Variants in CSPP1 observed in about 807,000 individuals in gnomAD.
CSPP1 encodes centrosome and spindle pole associated protein 1, also known as centrosome and spindle pole-associated protein 1.
Under a neutral mutation model 164.4 loss-of-function variants are expected in CSPP1, and 126 were observed. The observed-to-expected ratio is 0.77, with a 90% CI of 0.66 to 0.89. The LOEUF (loss-of-function observed/expected upper bound fraction) is 0.89. Ranked by LOEUF, CSPP1 falls within the 40% of genes least tolerant of loss-of-function variation. The pLI is 0.00. For synonymous variants in CSPP1, 472 were observed against 476.7 expected (o/e 0.99, Z 0.13); for missense variants, 1,395 against 1,449.8 (o/e 0.96, Z 0.61).
chr8:67,070,184 T>A (rs1030534891), intron 1 of CSPP1, among the ~76,000 whole-genome samples: 1 of 151,324 alleles, frequency 6.6e-6, no homozygotes, highest in Non-Finnish European at 1.5e-5. Context: ...CTGAAATAAG[T>A]CGGGACGGTG....
chr8:67,101,387 G>A (rs1160290501), intron 7 of CSPP1, among the ~76,000 whole-genome samples: 4 of 152,164 alleles, frequency 2.6e-5, no homozygotes, highest in African/African-American at 9.7e-5. Context: ...TGTACAGTCA[G>A]GATTTTCTGA....
At chr8:67,105,874 T>G in intron 8 of CSPP1, 31 bp from the exon 9 acceptor site, 2 of 1,261,360 alleles carry the variant, frequency 1.6e-6, no homozygotes, top group Non-Finnish European at 2.3e-6. Flanking sequence ...GGATTTTAAT[T>G]TACTCTTTTT....
At chr8:67,085,483 T>C (rs1810200110) in intron 3 of CSPP1, among the ~76,000 whole-genome samples, 1 of 152,088 alleles carries the variant, frequency 6.6e-6, no homozygotes, top group Admixed American at 6.5e-5. Context: ...AATCATGTTA[T>C]TAGTTTTCCT....
At position 67,172,535 on chromosome 8, in the gene CSPP1, T is replaced by G; in HGVS notation, c.2948T>G (p.Phe983Cys). 6.2e-7 allele frequency: 1 copy of G among 1,613,570 alleles called. No homozygotes were observed. The change falls in exon 25 of 31, where the codon TTT becomes TGT. Residue 983 changes from phenylalanine to cysteine, a missense_variant. Physicochemically the swap from Phe to Cys is radical, Grantham distance 205. Transcript: ENST00000678616. ...DAATFQNVHD[F>C]NELKDRDSET... ...GCCACTTTTCAGAATGTTCATGATT[T>G]TAATGAGCTGAAAGATAGAGGTGAG...
At chr8:67,119,261 C>T (rs1818528289) in intron 15 of CSPP1, among the ~76,000 whole-genome samples, 1 of 152,130 alleles carries the variant, frequency 6.6e-6, no homozygotes, top group African/African-American at 2.4e-5. Context: ...CAACATTTTA[C>T]TTATCTAAAA....
At chr8:67,081,698 G>A (rs11989855) in intron 3 of CSPP1, among the ~76,000 whole-genome samples, 12,596 of 152,180 alleles carry the variant, frequency 0.083, 1,060 homozygotes, top group African/African-American at 0.22. Flanking sequence ...TTTTAAAAAT[G>A]TTTTGATACA....
chr8:67,108,002 G>A (rs200329201), intron 9 of CSPP1, among the ~76,000 whole-genome samples: 1 of 71,620 alleles, frequency 1.4e-5, no homozygotes, highest in South Asian at 4.3e-4. Context: ...TTTTTTTTTT[G>A]TTTGGGTGGC....
rs1825352510 is a variant in CSPP1 at position 67,149,880 on chromosome 8, A to G, written c.2073A>G (p.Pro691=). 1 of 1,605,684 alleles carries G rather than the reference A, an allele frequency of 6.2e-7. No homozygotes were observed. The highest frequency in any genetic ancestry group is 8.5e-7 in the Non-Finnish European group (1 of 1,176,798). Residue 691 remains proline (P), a synonymous_variant, in exon 18 of 31, where the codon CCA becomes CCG. Coordinates refer to ENST00000678616, the MANE Select transcript of CSPP1 (RefSeq NM_001382391.1). ...AAAGGGCTGTTGTATCTCTAGACCC[A>G]AATTTAGCCACTTCAAATGCTGAGA... ...EDKRAVVSLD[P]NLATSNAENL... is the part of the protein sequence containing the mutation.
intron 4 of CSPP1, among the ~76,000 whole-genome samples, chr8:67,090,592 T>C (rs139944808): frequency 3.1e-4 from 47 of 152,334 alleles, no homozygotes; most frequent in African/African-American, 1.1e-3. Flanking sequence ...CCAGATTTAA[T>C]GAAACTTTAT....
At chr8:67,081,453 T>C (rs1809166935) in intron 3 of CSPP1, among the ~76,000 whole-genome samples, 1 of 152,182 alleles carries the variant, frequency 6.6e-6, no homozygotes, top group African/African-American at 2.4e-5. Flanking sequence ...AAAATGTCTT[T>C]AATAAGGAGT....
rs544261224 is a variant in CSPP1, at chr8:67,067,641, T to G, written c.-11+3103T>G. On this transcript the variant is annotated intron_variant, in intron 1 of 30. Coordinates refer to ENST00000678616, the MANE Select transcript of CSPP1 (RefSeq NM_001382391.1). ...ACCAAGCCTGGCTAATTTTTTGTAC[T>G]TTTAGTAGAGACGGGGTTTCACCGT... Among the ~76,000 whole-genome samples the G allele has an allele frequency of 9.3e-4, 141 of 151,984 alleles. 1 individual carries two copies. The highest frequency in any genetic ancestry group is 3.3e-3 in the African/African-American group (136 of 41,460).
At chr8:67,115,258 A>T (rs1024288999) in intron 12 of CSPP1, 1 of 152,292 alleles carries the variant, frequency 6.6e-6, no homozygotes, top group African/African-American at 2.4e-5. Flanking sequence ...TAAAAAGAAT[A>T]CTACAGGTAT....
chr8:67,129,917 A>G (rs1357365067), intron 15 of CSPP1, among the ~76,000 whole-genome samples: 1 of 152,234 alleles, frequency 6.6e-6, no homozygotes, highest in East Asian at 1.9e-4. Flanking sequence ...AAAACTGGTT[A>G]TGGTGATGAT....
intron 7 of CSPP1, among the ~76,000 whole-genome samples, chr8:67,096,651 G>A (rs560521611): frequency 6.6e-6 from 1 of 151,278 alleles, no homozygotes; most frequent in East Asian, 1.9e-4. Context: ...GATCACTTGA[G>A]GTCAGGAGTT....
chr8:67,178,293 C>A (rs555690572), intron 27 of CSPP1, among the ~76,000 whole-genome samples: 1 of 152,108 alleles, frequency 6.6e-6, no homozygotes, highest in African/African-American at 2.4e-5. Context: ...AGGAAGGGAA[C>A]AGAGAATGAT....
chr8:67,195,232 G>C, intron 30 of CSPP1, 150 bp from the exon 31 acceptor site: 1 of 697,936 alleles, frequency 1.4e-6, no homozygotes, highest in Admixed American at 2.1e-5. Flanking sequence ...GGTGGGGTGA[G>C]TCTAACCAAA....
intron 28 of CSPP1, among the ~76,000 whole-genome samples, chr8:67,182,742 G>A (rs1014424938): frequency 6.6e-6 from 1 of 152,102 alleles, no homozygotes; most frequent in Non-Finnish European, 1.5e-5. Flanking sequence ...AGTGATGTTG[G>A]ACATCTTTAC....
At chr8:67,171,551 TTTGTTG>T (rs201805678) in intron 24 of CSPP1, among the ~76,000 whole-genome samples, 8 of 151,872 alleles carry the variant, frequency 5.3e-5, no homozygotes, top group African/African-American at 1.9e-4. Context: ...CTTGACTAAT[TTTGTTG>T]TTGTTGTTGA....
chr8:67,088,950 TAGAG>T (rs1361910072), intron 4 of CSPP1, among the ~76,000 whole-genome samples: 1 of 150,806 alleles, frequency 6.6e-6, no homozygotes, highest in Non-Finnish European at 1.5e-5. Context: ...TCCTTAAAAT[TAGAG>T]AGACAGTCTT....
Sources: gnomAD v4.1 joint callset for allele counts (sites outside exome capture counted in the v4.1 genomes callset) on GRCh38, gnomAD v4.1.1 for gene constraint, MANE v1.5 for transcripts, NCBI Gene and HGNC (gene_info 2026-07-23, HGNC 2026-07-21) for gene names.